The following JARID2 variants were observed in gnomAD, a reference collection of about 807,000 sequenced individuals.
The protein encoded by JARID2 is protein Jumonji.
A neutral mutation model predicts 125.6 loss-of-function variants in JARID2; 21 were observed. That is an observed-to-expected ratio of 0.17 (90% CI 0.12 to 0.24). JARID2 has a LOEUF of 0.24. Among genes scored for constraint, JARID2 ranks in the 10% least tolerant of loss-of-function variants. The pLI, the probability that JARID2 is intolerant of heterozygous loss-of-function variation, is 1.00. For missense variants in JARID2, 1,303 were observed against 1,639.6 expected (o/e 0.79, Z 3.55); for synonymous variants, 736 against 661.6 (o/e 1.11, Z -1.73).
At chr6:15,488,556 G>A (rs1303887058) in intron 6 of JARID2, among the ~76,000 whole-genome samples, 1 of 152,210 alleles carries the variant, frequency 6.6e-6, no homozygotes, top group African/African-American at 2.4e-5. Flanking sequence ...GGCTGGCAGT[G>A]TTGCAGAGTG....
intron 1 of JARID2, among the ~76,000 whole-genome samples, chr6:15,286,510 A>G (rs975426146): frequency 1.3e-5 from 2 of 149,598 alleles, no homozygotes; most frequent in South Asian, 2.2e-4. Flanking sequence ...TTGGCCTCCC[A>G]AAGTGCTGGG....
At chr6:15,282,673 C>T (rs1760801929) in intron 1 of JARID2, among the ~76,000 whole-genome samples, 1 of 151,926 alleles carries the variant, frequency 6.6e-6, no homozygotes, top group Admixed American at 6.6e-5. Context: ...GGCGAGATCT[C>T]AGCTCACCGC....
intron 1 of JARID2, among the ~76,000 whole-genome samples, chr6:15,295,267 G>A (rs745410021): frequency 2.6e-5 from 4 of 151,678 alleles, no homozygotes; most frequent in South Asian, 2.1e-4. Flanking sequence ...GACTACAGGC[G>A]CCCGCCAACA....
intron 4 of JARID2, among the ~76,000 whole-genome samples, chr6:15,461,080 T>C (rs1768424105): frequency 6.6e-6 from 1 of 152,212 alleles, no homozygotes; most frequent in Non-Finnish European, 1.5e-5. Context: ...CCATCATGGC[T>C]GCTGCTATGT....
intron 3 of JARID2, among the ~76,000 whole-genome samples, chr6:15,438,308 A>G (rs1767299918): frequency 6.6e-6 from 1 of 152,158 alleles, no homozygotes; most frequent in African/African-American, 2.4e-5. Context: ...GGAAAGTTGC[A>G]TTATAAAGAG....
chr6:15,250,983 C>T (rs951517505), intron 1 of JARID2, among the ~76,000 whole-genome samples: 1 of 150,628 alleles, frequency 6.6e-6, no homozygotes, highest in Non-Finnish European at 1.5e-5. Context: ...TTCGTTAAAA[C>T]ACTTGGTGAA....
intron 12 of JARID2, among the ~76,000 whole-genome samples, chr6:15,509,945 G>A (rs1258803227): frequency 6.6e-6 from 1 of 152,186 alleles, no homozygotes; most frequent in Non-Finnish European, 1.5e-5. Flanking sequence ...TAGAAACCCT[G>A]TATTTAAATT....
chr6:15,329,361 A>G (rs958801494), intron 1 of JARID2, among the ~76,000 whole-genome samples: 3 of 152,130 alleles, frequency 2.0e-5, no homozygotes, highest in African/African-American at 7.2e-5. Flanking sequence ...GCTAGCAGCA[A>G]GCAGGGGTAG....
intron 1 of JARID2, among the ~76,000 whole-genome samples, chr6:15,324,012 C>A (rs568423434): frequency 1.3e-5 from 2 of 149,754 alleles, no homozygotes; most frequent in African/African-American, 2.5e-5. Context: ...GAAACCCTGT[C>A]TCTACTAAAA....
chr6:15,337,784 G>A (rs1051921657), intron 1 of JARID2, among the ~76,000 whole-genome samples: 9 of 151,884 alleles, frequency 5.9e-5, no homozygotes, highest in Non-Finnish European at 8.8e-5. Flanking sequence ...ACGAAGGAAC[G>A]GCCCCTGCTG....
intron 4 of JARID2, among the ~76,000 whole-genome samples, chr6:15,461,130 G>A (rs147132397): frequency 2.6e-5 from 4 of 152,356 alleles, no homozygotes; most frequent in Admixed American, 2.6e-4. Context: ...GCGAACCATA[G>A]ATAGACCTTG....
At chr6:15,402,078 G>A (rs138539724) in intron 2 of JARID2, among the ~76,000 whole-genome samples, 1 of 152,262 alleles carries the variant, frequency 6.6e-6, no homozygotes, top group Non-Finnish European at 1.5e-5. Context: ...ACTTCCAAGA[G>A]ATTCCTTTTA....
At chr6:15,330,469 C>T (rs1762671966) in intron 1 of JARID2, among the ~76,000 whole-genome samples, 1 of 152,120 alleles carries the variant, frequency 6.6e-6, no homozygotes, top group Admixed American at 6.6e-5. Flanking sequence ...GTTTTGCCCT[C>T]TTCTTTTTTC....
chr6:15,492,682 C>T (rs761243668), intron 6 of JARID2, among the ~76,000 whole-genome samples: 65 of 152,124 alleles, frequency 4.3e-4, no homozygotes, highest in Non-Finnish European at 1.2e-4. Flanking sequence ...AAGGGGCTTC[C>T]TATGTTAGCT....
intron 12 of JARID2, among the ~76,000 whole-genome samples, chr6:15,509,884 G>T (rs1771191716): frequency 6.6e-6 from 1 of 152,202 alleles, no homozygotes; most frequent in African/African-American, 2.4e-5. Context: ...GCAGGGATAG[G>T]ATCAGAGAAC....
chr6:15,500,362 A>C (rs570760751), intron 7 of JARID2, among the ~76,000 whole-genome samples: 1 of 152,210 alleles, frequency 6.6e-6, no homozygotes, highest in East Asian at 1.9e-4. Context: ...CCTTTGTGTG[A>C]GTGAGTGGGT....
At chr6:15,498,433 A>G (rs1175770681) in intron 7 of JARID2, among the ~76,000 whole-genome samples, 1 of 152,056 alleles carries the variant, frequency 6.6e-6, no homozygotes, top group East Asian at 1.9e-4. Flanking sequence ...TCCTCTCTTC[A>G]GTCCTGCCAC....
chr6:15,364,461 A>C (rs1423922971), intron 1 of JARID2, among the ~76,000 whole-genome samples: 1 of 152,228 alleles, frequency 6.6e-6, no homozygotes, highest in East Asian at 1.9e-4. Flanking sequence ...CTTTGCAGAC[A>C]GACTTTACTT....
At chr6:15,417,775 A>AT (rs915934882) in intron 3 of JARID2, among the ~76,000 whole-genome samples, 27 of 152,314 alleles carry the variant, frequency 1.8e-4, no homozygotes, top group Middle Eastern at 3.4e-3. Context: ...AAATAAATAA[A>AT]AAATTCTCAT....
Sources: gnomAD v4.1 joint callset for allele counts (sites outside exome capture counted in the v4.1 genomes callset) on GRCh38, gnomAD v4.1.1 for gene constraint, MANE v1.5 for transcripts, NCBI Gene and HGNC (gene_info 2026-07-23, HGNC 2026-07-21) for gene names.